PIP4P2: variants seen among roughly 807,000 people sequenced by gnomAD.
PIP4P2 encodes the protein phosphatidylinositol-4,5-bisphosphate 4-phosphatase 2.
A neutral mutation model predicts 33.3 loss-of-function variants in PIP4P2; 19 were observed. That is an observed-to-expected ratio of 0.57 (90% CI 0.40 to 0.84). The LOEUF is 0.84. Among genes scored for constraint, PIP4P2 ranks in the 40% least tolerant of loss-of-function variants. PIP4P2 has a pLI of 0.00. For synonymous variants in PIP4P2, 110 were observed against 111.9 expected, an observed-to-expected ratio of 0.98 and a Z score of 0.11; for missense variants, 270 against 324.7, an observed-to-expected ratio of 0.83 and a Z score of 1.29.
intron 1 of PIP4P2, among the ~76,000 whole-genome samples, chr8:91,022,879 G>A (rs1415871193): frequency 1.3e-5 from 2 of 152,066 alleles, no homozygotes; most frequent in Non-Finnish European, 2.9e-5. Flanking sequence ...TTGAAATGAC[G>A]ATATGCTTAT....
chr8:91,013,511 A>C (rs1324424648), intron 4 of PIP4P2, among the ~76,000 whole-genome samples: 1 of 152,130 alleles, frequency 6.6e-6, no homozygotes, highest in Admixed American at 6.6e-5. Context: ...AGAGTACGTT[A>C]GTTTATATTA....
chr8:91,015,412 A>C (rs1811901812), intron 4 of PIP4P2, among the ~76,000 whole-genome samples: 1 of 152,130 alleles, frequency 6.6e-6, no homozygotes. Flanking sequence ...TAGAGACTCC[A>C]ATCAGTGACT....
chr8:91,038,498 A>C (rs1812262416), intron 1 of PIP4P2, among the ~76,000 whole-genome samples: 1 of 152,172 alleles, frequency 6.6e-6, no homozygotes, highest in Admixed American at 6.6e-5. Context: ...ACAATCTGAA[A>C]TAATTCAGCC....
chr8:90,995,316 T>A lies in PIP4P2; in HGVS notation c.*361A>T, dbSNP rs1367308861. On this transcript the variant is annotated 3_prime_UTR_variant, in exon 7 of 7. Coordinates refer to ENST00000285419, the MANE Select transcript of PIP4P2 (RefSeq NM_018710.3). Reference sequence around the variant, plus strand: ...TGTAAATATAAATGTGAAACTATTATAGAAATATTTATAAACACTTAGGAA... The same window carrying A: ...TGTAAATATAAATGTGAAACTATTAAAGAAATATTTATAAACACTTAGGAA... 1 of 154,518 alleles carries A rather than the reference T, an allele frequency of 6.5e-6. No homozygotes were observed. Among genetic ancestry groups the A allele is most frequent in the African/African-American group, 2.4e-5 (1 of 41,512 alleles). The allele number at this position is 154,518 out of a possible 1,614,324, so 9.6% of individuals were successfully genotyped here.
intron 1 of PIP4P2, among the ~76,000 whole-genome samples, chr8:91,033,710 G>A (rs574244865): frequency 2.6e-5 from 4 of 152,132 alleles, no homozygotes; most frequent in South Asian, 2.1e-4. Context: ...TTTACACCTC[G>A]CACCTCCTCT....
intron 1 of PIP4P2, among the ~76,000 whole-genome samples, chr8:91,038,317 T>C (rs1260865258): frequency 3.3e-5 from 5 of 152,360 alleles, no homozygotes; most frequent in South Asian, 2.1e-4. Context: ...TCACTAGTTA[T>C]AGCTTTTAAC....
chr8:91,005,114 C>A (rs1181798443), intron 5 of PIP4P2, among the ~76,000 whole-genome samples: 5 of 152,042 alleles, frequency 3.3e-5, no homozygotes, highest in Non-Finnish European at 7.4e-5. Flanking sequence ...TCTAGCAAAC[C>A]TACTATTCTA....
At chr8:91,025,485 A>G (rs1381799509) in intron 1 of PIP4P2, among the ~76,000 whole-genome samples, 3 of 152,180 alleles carry the variant, frequency 2.0e-5, no homozygotes, top group Non-Finnish European at 2.9e-5. Context: ...TATATCCTCC[A>G]GTATTTTAAA....
chr8:91,003,948 GAGATAGATAGATAGATAGATAGAT>G (rs74275339), intron 5 of PIP4P2, among the ~76,000 whole-genome samples: 7 of 138,172 alleles, frequency 5.1e-5, no homozygotes, highest in East Asian at 2.2e-4. Context: ...GAACCAACAG[GAGATAGATAGATAGATAGATAGAT>G]AGATAGATAG....
chr8:90,996,683 T>C lies in PIP4P2; in HGVS notation c.601A>G (p.Ile201Val). The C allele has an allele frequency of 1.2e-6, 2 of 1,609,886 alleles. No individual in the cohort carries two copies. Among genetic ancestry groups the C allele is most frequent in the Non-Finnish European group, 1.7e-6 (2 of 1,177,910 alleles). Residue 201 changes from isoleucine to valine, a missense_variant, in exon 6 of 7, where the codon ATA becomes GTA. Coordinates refer to ENST00000285419, the MANE Select transcript of PIP4P2 (RefSeq NM_018710.3). The part of the protein sequence containing the change: ...RCCAYITIGM[I>V]CIFIGVGLTV... ...AACCCAACTCCAATGAAAATACATA[T>C]CATTCCAATGGTAATATATGCACAG...
chr8:91,028,357 A>G (rs954642132), intron 1 of PIP4P2, among the ~76,000 whole-genome samples: 4 of 152,226 alleles, frequency 2.6e-5, no homozygotes, highest in African/African-American at 9.7e-5. Flanking sequence ...TTCTGCAAAG[A>G]GACCTGAGGC....
chr8:91,017,206 C>T (rs545169118), intron 4 of PIP4P2, among the ~76,000 whole-genome samples: 1 of 152,154 alleles, frequency 6.6e-6, no homozygotes, highest in South Asian at 2.1e-4. Flanking sequence ...ACATAGAAGT[C>T]TGGCCAACAT....
At chr8:91,026,363 C>T (rs1563567910) in intron 1 of PIP4P2, among the ~76,000 whole-genome samples, 1 of 152,000 alleles carries the variant, frequency 6.6e-6, no homozygotes, top group Non-Finnish European at 1.5e-5. Context: ...TGTGTAGACC[C>T]CCACACCAAA....
intron 1 of PIP4P2, among the ~76,000 whole-genome samples, chr8:91,023,921 T>C (rs1812045669): frequency 1.3e-5 from 2 of 151,916 alleles, no homozygotes; most frequent in African/African-American, 4.8e-5. Context: ...GACTTTCAAA[T>C]AGCAAAAACC....
At chr8:91,027,210 T>A (rs552566860) in intron 1 of PIP4P2, among the ~76,000 whole-genome samples, 1 of 152,206 alleles carries the variant, frequency 6.6e-6, no homozygotes, top group Non-Finnish European at 1.5e-5. Flanking sequence ...TCATTGAAAG[T>A]TGGGGCATTG....
At chr8:91,014,260 G>A (rs568036084) in intron 4 of PIP4P2, among the ~76,000 whole-genome samples, 1 of 152,242 alleles carries the variant, frequency 6.6e-6, no homozygotes, top group South Asian at 2.1e-4. Context: ...AAAGGTGGAG[G>A]CTGGGGTAAG....
chr8:91,023,812 A>C (rs1159114318), intron 1 of PIP4P2, among the ~76,000 whole-genome samples: 1 of 152,134 alleles, frequency 6.6e-6, no homozygotes, highest in Non-Finnish European at 1.5e-5. Context: ...TTAATTAATA[A>C]ATCAGCGAGT....
intron 4 of PIP4P2, among the ~76,000 whole-genome samples, chr8:91,016,403 G>C (rs556592641): frequency 6.6e-6 from 1 of 151,850 alleles, no homozygotes; most frequent in Non-Finnish European, 1.5e-5. Context: ...TGAAATTTCA[G>C]AACACTGAAG....
chr8:91,014,696 A>G (rs1055269240), intron 4 of PIP4P2, among the ~76,000 whole-genome samples: 2 of 151,006 alleles, frequency 1.3e-5, no homozygotes, highest in Non-Finnish European at 2.9e-5. Flanking sequence ...TATAGTTACC[A>G]ATATTGTATT....
Sources: allele counts gnomAD v4.1 joint callset (sites outside exome capture counted in the v4.1 genomes callset), GRCh38; gene constraint gnomAD v4.1.1; transcripts MANE v1.5; gene names NCBI Gene and HGNC (gene_info 2026-07-23, HGNC 2026-07-21).